Variants in MEGF11 observed in about 807,000 individuals in gnomAD.
MEGF11 encodes multiple epidermal growth factor-like domains protein 11.
MEGF11 carries 126 observed loss-of-function variants against 146.6 expected under a neutral mutation model. That is an observed-to-expected ratio of 0.86 (90% CI 0.74 to 1.00). The LOEUF (loss-of-function observed/expected upper bound fraction) is 1.00. Among genes scored for constraint, MEGF11 ranks in the 50% least tolerant of loss-of-function variants. The pLI is 0.00. For synonymous variants in MEGF11, 532 were observed against 583.4 expected (o/e 0.91, Z 1.27); for missense variants, 1,509 against 1,521.2 (o/e 0.99, Z 0.13).
chr15:66,142,387 C>T (rs938231516), intron 1 of MEGF11, among the ~76,000 whole-genome samples: 2 of 152,150 alleles, frequency 1.3e-5, no homozygotes, highest in Admixed American at 6.5e-5. Flanking sequence ...AACAGGCGCC[C>T]GCCAGACTCT....
chr15:66,007,873 C>A (rs1014916993), intron 5 of MEGF11, among the ~76,000 whole-genome samples: 5 of 152,202 alleles, frequency 3.3e-5, no homozygotes, highest in Admixed American at 2.0e-4. Flanking sequence ...CACTGTGCTG[C>A]TAGGGGGCAG....
intron 5 of MEGF11, among the ~76,000 whole-genome samples, chr15:66,009,693 C>A (rs968861866): frequency 6.6e-6 from 1 of 151,578 alleles, no homozygotes; most frequent in Non-Finnish European, 1.5e-5. Flanking sequence ...CCCGGGTTCA[C>A]GCCATTCTCC....
intron 4 of MEGF11, among the ~76,000 whole-genome samples, chr15:66,108,099 A>G (rs1440684521): frequency 6.6e-6 from 1 of 152,246 alleles, no homozygotes; most frequent in African/African-American, 2.4e-5. Flanking sequence ...ACGAAGCCCC[A>G]GGGAATGAGA....
Position 65,898,769 on chromosome 15 carries a change from A to G in MEGF11, c.3221T>C (p.Val1074Ala). 1.6e-5 allele frequency: 26 copies of G among 1,613,972 alleles called. No individual in the cohort carries two copies. Among genetic ancestry groups the G allele is most frequent in the Non-Finnish European group, 2.2e-5 (26 of 1,179,856 alleles). ...TTTATTAGATGTCGACAAGGATGGC[A>G]CATCTGTGTACGGAGACCCCATGTG... ...PVHMGSPYTD[V>A]PSLSTSNKNI... Residue 1074 changes from valine (V) to alanine (A), a missense_variant, in exon 25 of 26, where the codon GTG (valine) becomes GCG (alanine). Coordinates refer to ENST00000395614, the MANE Select transcript of MEGF11 (RefSeq NM_001385028.1).
Position 66,121,435 on chromosome 15 carries a change from A to G in MEGF11, c.201-2249T>C, listed in dbSNP as rs369052608. Among the ~76,000 whole-genome samples the G allele has an allele frequency of 2.6e-5, 4 of 152,344 alleles. No individual in the cohort carries two copies. In the East Asian group the frequency reaches 5.8e-4, roughly 22 times the overall value. On this transcript the variant is annotated intron_variant, in intron 3 of 25. Coordinates refer to ENST00000395614, the MANE Select transcript of MEGF11 (RefSeq NM_001385028.1). The stretch of plus-strand genomic sequence containing the variant: ...GCTCCTATTGGACCACCTTTCTGCA[A>G]ATAGCAACTATAAAATCTAGGGGGA...
intron 1 of MEGF11, among the ~76,000 whole-genome samples, chr15:66,142,675 G>T (rs1290157392): frequency 1.3e-5 from 2 of 152,242 alleles, no homozygotes; most frequent in Non-Finnish European, 2.9e-5. Context: ...CCCCAGCCAA[G>T]TGCCAGGAGA....
intron 1 of MEGF11, among the ~76,000 whole-genome samples, chr15:66,168,891 G>T (rs1014844337): frequency 6.6e-6 from 1 of 152,230 alleles, no homozygotes; most frequent in East Asian, 1.9e-4. Flanking sequence ...GGGAGGCTGA[G>T]GCAGGAGAAT....
Position 66,053,714 on chromosome 15 carries a change from AATTTTTTTTTTTTTTT to A in MEGF11, c.394+40672_394+40687del, listed in dbSNP as rs1292488546. ...ACTCAGCTCCCCCTCCCCTGGCACC[AATTTTTTTTTTTTTTT>A]TTTTTTTTTTTTTTTGAGACAAGGT... On this transcript the variant is annotated intron_variant, in intron 5 of 25. Coordinates refer to ENST00000395614, the MANE Select transcript of MEGF11 (RefSeq NM_001385028.1). 2.6e-4 allele frequency among the ~76,000 whole-genome samples: 11 copies of A among 42,268 alleles called. 1 individual carries two copies. The highest frequency in any genetic ancestry group is 3.7e-4 in the African/African-American group (7 of 18,974). 27.7% of individuals were successfully genotyped at this position (42,268 alleles called of 152,430 possible). A position where few individuals can be genotyped will look rare whatever the true frequency, so the allele number is the denominator to read the frequency against.
At chr15:66,097,749 C>A (rs1471791325) in intron 4 of MEGF11, among the ~76,000 whole-genome samples, 27 of 21,122 alleles carry the variant, frequency 1.3e-3, no homozygotes, top group Admixed American at 8.8e-4. Flanking sequence ...TCTCAAAAAA[C>A]TACAAAAAAA....
intron 4 of MEGF11, among the ~76,000 whole-genome samples, chr15:66,096,432 T>C (rs773523107): frequency 5.9e-5 from 9 of 152,262 alleles, no homozygotes; most frequent in Non-Finnish European, 1.3e-4. Context: ...GGGCAGTGTG[T>C]GGCCTCTCAG....
intron 4 of MEGF11, among the ~76,000 whole-genome samples, chr15:66,118,325 G>C (rs1256293021): frequency 6.6e-6 from 1 of 152,104 alleles, no homozygotes; most frequent in Non-Finnish European, 1.5e-5. Context: ...AAGCCCCATA[G>C]CTAGGAAGCC....
chr15:65,928,379 C>G, intron 13 of MEGF11, 46 bp downstream of exon 13: 1 of 1,356,270 alleles, frequency 7.4e-7, no homozygotes, highest in Non-Finnish European at 1.0e-6. Context: ...ATACCAAGAA[C>G]CCAGTTTCAC....
intron 5 of MEGF11, among the ~76,000 whole-genome samples, chr15:66,035,137 G>C (rs867263354): frequency 6.6e-6 from 1 of 152,194 alleles, no homozygotes. Context: ...GGGGGTTGTT[G>C]TGTAGTTTAA....
rs545805358 is a variant in MEGF11 at position 66,253,440 on chromosome 15, G to A, written c.-9+165C>T. ...ACTCCCGGAGCCAAACTCGGCTTCG[G>A]CAGCCGGGACCCGGGCAGGGCGGCC... On this transcript the variant is annotated intron_variant, in intron 1 of 25. Transcript: ENST00000395614. Among the ~76,000 whole-genome samples the A allele has an allele frequency of 4.4e-3, 676 of 152,306 alleles. 7 individuals carry two copies. Among genetic ancestry groups the A allele is most frequent in the South Asian group, 0.034 (165 of 4,832 alleles).
intron 5 of MEGF11, among the ~76,000 whole-genome samples, chr15:66,010,630 G>T (rs936788927): frequency 2.6e-5 from 4 of 152,190 alleles, no homozygotes; most frequent in African/African-American, 9.7e-5. Context: ...CAAGTGATTT[G>T]CTACTAACGT....
At chr15:65,916,689 G>T (rs147700338) in intron 17 of MEGF11, 139 bp downstream of exon 17, 15 of 1,420,716 alleles carry the variant, frequency 1.1e-5, no homozygotes, top group Admixed American at 3.9e-5. Context: ...CTCAGTTCTC[G>T]TGGGGCAGGA....
chr15:66,015,883 C>T (rs1272255839), intron 5 of MEGF11, among the ~76,000 whole-genome samples: 3 of 139,042 alleles, frequency 2.2e-5, no homozygotes, highest in Non-Finnish European at 4.6e-5. Context: ...TCTTCTTTTC[C>T]CTGTGCTACT....
At chr15:65,962,467 C>T (rs1396637446) in intron 9 of MEGF11, among the ~76,000 whole-genome samples, 2 of 152,198 alleles carry the variant, frequency 1.3e-5, no homozygotes, top group African/African-American at 4.8e-5. Flanking sequence ...CTACAAAGCA[C>T]AGGACAGCCC....
At chr15:66,189,962 T>A (rs987417784) in intron 1 of MEGF11, among the ~76,000 whole-genome samples, 26 of 152,154 alleles carry the variant, frequency 1.7e-4, no homozygotes, top group African/African-American at 6.0e-4. Flanking sequence ...GCCTGGGTGA[T>A]GGAGCTAGAC....
Sources: allele counts gnomAD v4.1 joint callset (sites outside exome capture counted in the v4.1 genomes callset), GRCh38; gene constraint gnomAD v4.1.1; transcripts MANE v1.5; gene names NCBI Gene and HGNC (gene_info 2026-07-23, HGNC 2026-07-21).